Variants in BCAS3 observed in about 807,000 individuals in gnomAD.
The protein encoded by BCAS3 is BCAS3 microtubule associated cell migration factor, also known as BCAS4/BCAS3 fusion.
Under a neutral mutation model 116.1 loss-of-function variants are expected in BCAS3, and 53 were observed. The observed-to-expected ratio is 0.46, with a 90% CI of 0.37 to 0.57. The LOEUF is 0.57. BCAS3 is among the 20% of genes least tolerant of loss of function. The pLI is 0.00. For synonymous variants in BCAS3, 391 were observed against 408.2 expected, an observed-to-expected ratio of 0.96 and a Z score of 0.51; for missense variants, 917 against 1,165.4, an observed-to-expected ratio of 0.79 and a Z score of 3.10.
At position 61,391,941 on chromosome 17, in the gene BCAS3, C is replaced by T; in HGVS notation, c.2594-36C>T. 6.2e-7 allele frequency: 1 copy of T among 1,605,752 alleles called. No individual in the cohort carries two copies. Among genetic ancestry groups the T allele is most frequent in the Non-Finnish European group, 8.5e-7 (1 of 1,176,356 alleles). On this transcript the variant is annotated intron_variant, in intron 23 of 23. Transcript: ENST00000407086. This position sits in a 1 kb window ranked among gnomAD's most constrained non-coding sequence, Gnocchi z 7.7. ...TGGTGCCCCCACTCCCCAGACCCAA[C>T]TCTAACCAGGCCTGGCCCTCTCCTG... is the stretch of plus-strand genomic sequence containing the variant.
chr17:60,972,441 G>A (rs2062020323), intron 14 of BCAS3, among the ~76,000 whole-genome samples: 2 of 144,930 alleles, frequency 1.4e-5, no homozygotes, highest in Non-Finnish European at 3.0e-5. Flanking sequence ...TATCTCACTT[G>A]GCCTTTTTTT....
chr17:60,800,791 A>C (rs1257310195), intron 6 of BCAS3, among the ~76,000 whole-genome samples: 1 of 152,094 alleles, frequency 6.6e-6, no homozygotes, highest in African/African-American at 2.4e-5. Context: ...TTTTTTATGG[A>C]CATCCAGTTG....
chr17:61,174,193 G>A (rs1401219548), intron 22 of BCAS3, among the ~76,000 whole-genome samples: 2 of 152,228 alleles, frequency 1.3e-5, no homozygotes, highest in Admixed American at 6.5e-5. Flanking sequence ...ATTTTGAAAT[G>A]TACAGTATAT....
At chr17:60,750,496 G>A (rs2042368486) in intron 6 of BCAS3, among the ~76,000 whole-genome samples, 1 of 151,990 alleles carries the variant, frequency 6.6e-6, no homozygotes, top group Admixed American at 6.6e-5. Context: ...AAAAATAAAA[G>A]ACATAAAGAT....
intron 23 of BCAS3, among the ~76,000 whole-genome samples, chr17:61,375,246 G>GTGTGTGTGTGTGCGCGCGCGCGCACA (rs150061118): frequency 1.2e-4 from 18 of 150,780 alleles, no homozygotes; most frequent in African/African-American, 3.7e-4. Flanking sequence ...GTGTGTGTGT[G>GTGTGTGTGTGTGCGCGCGCGCGCACA]TGTGTGTGTA....
At chr17:61,119,974 CAG>C (rs1342994512) in intron 22 of BCAS3, among the ~76,000 whole-genome samples, 8 of 151,936 alleles carry the variant, frequency 5.3e-5, no homozygotes, top group Non-Finnish European at 1.0e-4. Flanking sequence ...TGAAATTCTA[CAG>C]AGTGATTAAA....
chr17:61,051,745 G>A lies in BCAS3; in HGVS notation c.2029+10853G>A, dbSNP rs191567257. Among the ~76,000 whole-genome samples the A allele has an allele frequency of 2.6e-5, 4 of 152,014 alleles. No homozygotes were observed. The highest frequency in any genetic ancestry group is 1.9e-4 in the East Asian group (1 of 5,152). Reference sequence around the variant, plus strand: ...CCTGAGTACCTGGGACTATAGGCTCGCACCATCATGCCTGGCTAATTCAAA... The same window carrying A: ...CCTGAGTACCTGGGACTATAGGCTCACACCATCATGCCTGGCTAATTCAAA... On this transcript the variant is annotated intron_variant, in intron 19 of 23. Coordinates refer to ENST00000407086, the MANE Select transcript of BCAS3 (RefSeq NM_017679.5). This position sits in a 1 kb window ranked among gnomAD's most constrained non-coding sequence, Gnocchi z 4.1.
At chr17:60,814,269 TTGTGTGTGTGTGTGTG>T (rs67077498) in intron 7 of BCAS3, among the ~76,000 whole-genome samples, 1 of 134,854 alleles carries the variant, frequency 7.4e-6, no homozygotes, top group Admixed American at 7.2e-5. Flanking sequence ...TCTTGGTATT[TTGTGTGTGTGTGTGTG>T]TGTGTGTGTG....
At chr17:60,680,088 C>T (rs187524983) in intron 2 of BCAS3, among the ~76,000 whole-genome samples, 5 of 143,164 alleles carry the variant, frequency 3.5e-5, no homozygotes, top group Admixed American at 7.4e-5. Context: ...GAGCTGAGAT[C>T]GCGCCACTGC....
intron 14 of BCAS3, among the ~76,000 whole-genome samples, chr17:60,975,262 A>T (rs2062257121): frequency 6.6e-6 from 1 of 151,950 alleles, no homozygotes; most frequent in South Asian, 2.1e-4. Flanking sequence ...CGGCCTCCCA[A>T]AGTGCTGGGA....
chr17:60,715,126 CTCTTTCTTTT>C (rs1400846700), intron 5 of BCAS3, among the ~76,000 whole-genome samples: 26 of 149,366 alleles, frequency 1.7e-4, no homozygotes, highest in African/African-American at 6.4e-4. Flanking sequence ...TGTACTCTTT[CTCTTTCTTTT>C]TTTTTTTTTT....
intron 22 of BCAS3, among the ~76,000 whole-genome samples, chr17:61,096,399 A>T (rs186752506): frequency 4.5e-3 from 691 of 152,186 alleles, no homozygotes; most frequent in Non-Finnish European, 7.6e-3. Flanking sequence ...AAAAAAAAAA[A>T]TTTTTAAATT....
At chr17:61,052,428 A>G (rs2068942826) in intron 19 of BCAS3, among the ~76,000 whole-genome samples, 1 of 152,096 alleles carries the variant, frequency 6.6e-6, no homozygotes, top group Non-Finnish European at 1.5e-5. Flanking sequence ...ATGTTTGACC[A>G]TATGGAATAT....
Position 61,039,610 on chromosome 17 carries a change from A to G in BCAS3, c.1929-1182A>G, listed in dbSNP as rs78704312. Among the ~76,000 whole-genome samples the G allele has an allele frequency of 3.8e-3, 585 of 152,188 alleles. 10 individuals carry two copies. In the East Asian group the frequency reaches 0.076, roughly 20 times the overall value. Reference sequence around the variant, plus strand: ...CTAATTTTTTGTATTTTTACTAGAGACAGGGTTTCACTGTGTTAGTCAGGA... The same window carrying G: ...CTAATTTTTTGTATTTTTACTAGAGGCAGGGTTTCACTGTGTTAGTCAGGA... On this transcript the variant is annotated intron_variant, in intron 18 of 23. Transcript: ENST00000407086.
chr17:61,147,426 G>A (rs2077287873), intron 22 of BCAS3, among the ~76,000 whole-genome samples: 1 of 151,882 alleles, frequency 6.6e-6, no homozygotes, highest in South Asian at 2.1e-4. Context: ...GTTTCACCAG[G>A]TTGCCAGGCT....
In BCAS3 at chr17:61,095,882, C is replaced by G; in HGVS notation, c.2425+11318C>G. Among the ~76,000 whole-genome samples, 1 of 151,170 alleles carries G rather than the reference C, an allele frequency of 6.6e-6. No individual in the cohort carries two copies. The highest frequency in any genetic ancestry group is 1.5e-5 in the Non-Finnish European group (1 of 67,956). On this transcript the variant is annotated intron_variant, in intron 22 of 23. Coordinates refer to ENST00000407086, the MANE Select transcript of BCAS3 (RefSeq NM_017679.5). The surrounding 1 kb of genome is among the most constrained non-coding windows in gnomAD (Gnocchi z 4.7). ...ACACACACACACACACATTAAATTA[C>G]TAGTTTGTTTGTTTATTTCTACAGA...
chr17:60,944,626 A>G lies in BCAS3; in HGVS notation c.1088-2593A>G, dbSNP rs1260350435. Among the ~76,000 whole-genome samples the G allele has an allele frequency of 3.3e-5, 5 of 152,136 alleles. No homozygotes were observed. The East Asian group carries it at 7.7e-4, about 23-fold the overall frequency. On this transcript the variant is annotated intron_variant, in intron 13 of 23. Coordinates refer to ENST00000407086, the MANE Select transcript of BCAS3 (RefSeq NM_017679.5). The stretch of plus-strand genomic sequence containing the variant: ...CAGGGACACAGATAAGAAAATATTC[A>G]AGAAAATATTAGAAAATTGAATCTA...
At position 60,764,932 on chromosome 17, in the gene BCAS3, T is replaced by C. The variant is rs181704437; in HGVS notation, c.403+17653T>C. On this transcript the variant is annotated intron_variant, in intron 6 of 23. Coordinates refer to ENST00000407086, the MANE Select transcript of BCAS3 (RefSeq NM_017679.5). ...TAGTTAGCTCTTCTTGTTGAATTGTTCCCTTTACCATTAAGTAATGGCCTT... is the reference window on the plus strand; with the variant it reads ...TAGTTAGCTCTTCTTGTTGAATTGTCCCCTTTACCATTAAGTAATGGCCTT... Among the ~76,000 whole-genome samples, 14 of 147,598 alleles carry C rather than the reference T, an allele frequency of 9.5e-5. No individual in the cohort carries two copies. The East Asian group carries it at 2.7e-3, about 28-fold the overall frequency.
At chr17:61,163,220 C>G (rs976011151) in intron 22 of BCAS3, among the ~76,000 whole-genome samples, 7 of 151,856 alleles carry the variant, frequency 4.6e-5, no homozygotes. Context: ...GTCAGGAGAT[C>G]AAGACCATCC....
Sources: allele counts gnomAD v4.1 joint callset (sites outside exome capture counted in the v4.1 genomes callset), GRCh38; gene constraint gnomAD v4.1.1; non-coding constraint Gnocchi (gnomAD v3.1); transcripts MANE v1.5; gene names NCBI Gene and HGNC (gene_info 2026-07-23, HGNC 2026-07-21).